The following NTRK3 variants were observed in gnomAD, a reference collection of about 807,000 sequenced individuals.
The protein encoded by NTRK3 is neurotrophic receptor tyrosine kinase 3, also known as NT-3 growth factor receptor.
In NTRK3, 24 loss-of-function variants were observed where a neutral mutation model predicts 91.7. The observed-to-expected ratio is 0.26, with a 90% CI of 0.19 to 0.37. NTRK3 has a LOEUF of 0.37. NTRK3 is among the 10% of genes least tolerant of loss of function. The pLI is 1.00. For missense variants in NTRK3, 880 were observed against 1,068.9 expected (o/e 0.82, Z 2.46); for synonymous variants, 483 against 404.0 (o/e 1.20, Z -2.34).
chr15:87,895,114 A>G (rs1212122622), intron 17 of NTRK3, among the ~76,000 whole-genome samples: 1 of 152,210 alleles, frequency 6.6e-6, no homozygotes, highest in Non-Finnish European at 1.5e-5. Flanking sequence ...AGCTGTAGCT[A>G]ATAAACACAC....
At chr15:87,945,962 T>C (rs2070451353) in intron 14 of NTRK3, among the ~76,000 whole-genome samples, 1 of 152,342 alleles carries the variant, frequency 6.6e-6, no homozygotes, top group African/African-American at 2.4e-5. Flanking sequence ...TGATTTAAAA[T>C]TTTTAGATAA....
At chr15:88,061,168 C>T (rs1052367538) in intron 13 of NTRK3, among the ~76,000 whole-genome samples, 2 of 152,050 alleles carry the variant, frequency 1.3e-5, no homozygotes, top group Non-Finnish European at 1.5e-5. Context: ...CAGCTTACCC[C>T]CAACCAACTA....
At chr15:87,901,403 C>T (rs183810150) in intron 17 of NTRK3, among the ~76,000 whole-genome samples, 4 of 152,318 alleles carry the variant, frequency 2.6e-5, no homozygotes, top group Non-Finnish European at 4.4e-5. Flanking sequence ...GATGAAGTAT[C>T]TTTCTCAGGG....
At chr15:88,093,067 T>A (rs573748947) in intron 13 of NTRK3, among the ~76,000 whole-genome samples, 73 of 151,078 alleles carry the variant, frequency 4.8e-4, no homozygotes, top group African/African-American at 1.6e-3. Context: ...TTTTTTTTGT[T>A]TTTTTTGTTT....
At chr15:87,876,050 G>A (rs2064938565) in exon 19 of NTRK3, 3 of 232,502 alleles carry the variant, frequency 1.3e-5, no homozygotes, top group Non-Finnish European at 2.5e-5. Context: ...AAGACAGGTG[G>A]CAGTGTCTTG....
intron 6 of NTRK3, among the ~76,000 whole-genome samples, chr15:88,142,350 G>A (rs1037000258): frequency 3.9e-5 from 6 of 152,200 alleles, no homozygotes; most frequent in African/African-American, 1.2e-4. Context: ...ACCAACACCC[G>A]GCACTTGCCC....
intron 3 of NTRK3, among the ~76,000 whole-genome samples, chr15:88,224,809 G>T (rs1336440333): frequency 6.6e-6 from 1 of 152,172 alleles, no homozygotes; most frequent in Non-Finnish European, 1.5e-5. Context: ...TAGGGAGGCA[G>T]CTACATAAAT....
rs914615913 is a variant in NTRK3 at position 87,880,544 on chromosome 15, A to G, written c.2134-116T>C. ...TGATGCATCCTATTCTAAGATAGTC[A>G]CAGCTTTATGCAACTTCTATCAGAG... On this transcript the variant is annotated intron_variant, in intron 17 of 18. Coordinates refer to ENST00000394480, the Ensembl canonical transcript of NTRK3. 9.1e-6 allele frequency: 11 copies of G among 1,212,288 alleles called. No homozygotes were observed. The Admixed American group carries it at 2.2e-4, about 24-fold the overall frequency. 75.1% of individuals were successfully genotyped at this position (1,212,288 alleles called of 1,614,324 possible).
At position 88,067,111 on chromosome 15, in the gene NTRK3, T is replaced by C. The variant is rs3784430; in HGVS notation, c.1397-34066A>G. ...CAGTGTACAGCATGGCTTCTGGAAG[T>C]ATGCAAGCTGCCTGTGTATTTCAGA... On this transcript the variant is annotated intron_variant, in intron 13 of 18. Transcript: ENST00000394480. Among the ~76,000 whole-genome samples, 183 of 152,304 alleles carry C rather than the reference T, an allele frequency of 1.2e-3. 2 individuals carry two copies. In the East Asian group the frequency reaches 0.03, roughly 25 times the overall value.
chr15:88,177,342 T>C (rs1034756368), intron 5 of NTRK3, among the ~76,000 whole-genome samples: 1 of 152,106 alleles, frequency 6.6e-6, no homozygotes. Flanking sequence ...AAAGTGAAGG[T>C]GTGGAAAACC....
At chr15:88,038,402 A>T (rs1027193540) in intron 13 of NTRK3, among the ~76,000 whole-genome samples, 5 of 152,234 alleles carry the variant, frequency 3.3e-5, no homozygotes, top group African/African-American at 1.2e-4. Flanking sequence ...CAAAGGATGT[A>T]AGAGGAAGCC....
At chr15:87,871,060 TTAGAAGTAAAC>T in exon 19 of NTRK3, 1 of 229,990 alleles carries the variant, frequency 4.3e-6, no homozygotes, top group Non-Finnish European at 8.6e-6. Context: ...AATTTGGAAC[TTAGAAGTAAAC>T]TAGAAAGAAG....
intron 5 of NTRK3, among the ~76,000 whole-genome samples, chr15:88,147,704 TA>T (rs2043015184): frequency 6.6e-6 from 1 of 152,028 alleles, no homozygotes; most frequent in Admixed American, 6.6e-5. Flanking sequence ...CTCCCCACAA[TA>T]AAAGTTTACA....
rs1227782605 is a variant in NTRK3, at chr15:87,933,200, G to A, written c.1717-16C>T. Reference sequence around the variant, plus strand: ...CCTTCAGGGCCTAGGAACAATGCAGGACACAGGTGTTTAACAACTACAGGG... The same window carrying A: ...CCTTCAGGGCCTAGGAACAATGCAGAACACAGGTGTTTAACAACTACAGGG... On this transcript the variant is annotated splice_polypyrimidine_tract_variant and intron_variant, in intron 15 of 18. Transcript: ENST00000394480. 10 of 1,613,824 alleles carry A rather than the reference G, an allele frequency of 6.2e-6. No homozygotes were observed. The highest frequency in any genetic ancestry group is 1.3e-5 in the African/African-American group (1 of 74,900).
intron 16 of NTRK3, chr15:87,931,216 C>T (rs980097433): frequency 9.6e-6 from 5 of 518,164 alleles, no homozygotes; most frequent in African/African-American, 1.9e-5. Context: ...CTGCTGGTGG[C>T]TCTTGGGGCT....
chr15:88,136,323 G>A, intron 8 of NTRK3, 144 bp downstream of exon 8: 1 of 1,127,096 alleles, frequency 8.9e-7, no homozygotes, highest in East Asian at 2.5e-5. Flanking sequence ...AGAGCGAAAT[G>A]GCTAGAAAAT....
chr15:87,871,914 G>C (rs2064835372), exon 19 of NTRK3: 1 of 221,174 alleles, frequency 4.5e-6, no homozygotes, highest in Admixed American at 5.8e-5. Flanking sequence ...TCTTAATAAT[G>C]ATGCATAAAC....
In NTRK3 at chr15:87,981,085, C is replaced by T; in HGVS notation, c.1586-40332G>A. On this transcript the variant is annotated intron_variant, in intron 14 of 18. Coordinates refer to ENST00000394480, the Ensembl canonical transcript of NTRK3. The stretch of plus-strand genomic sequence containing the variant: ...TTTAATTTAAGGGATTTTTTTAGTA[C>T]CAAATCCCGTGCTGGGCACCTAGTC... The T allele has an allele frequency of 2.3e-6, 3 of 1,331,596 alleles. No homozygotes were observed. In the South Asian group the frequency reaches 3.9e-5, roughly 17 times the overall value. The allele number at this position is 1,331,596 out of a possible 1,614,324, so 82.5% of individuals were successfully genotyped here.
chr15:87,992,304 T>C (rs2075348993), intron 14 of NTRK3, among the ~76,000 whole-genome samples: 1 of 152,202 alleles, frequency 6.6e-6, no homozygotes, highest in Admixed American at 6.5e-5. Context: ...CCACACTGTA[T>C]GCCTTTCAGC....
Sources: allele counts gnomAD v4.1 joint callset (sites outside exome capture counted in the v4.1 genomes callset), GRCh38; gene constraint gnomAD v4.1.1; transcripts MANE v1.5; gene names NCBI Gene and HGNC (gene_info 2026-07-23, HGNC 2026-07-21).